Variants in TNFAIP2 observed in about 807,000 individuals in gnomAD.
TNFAIP2 encodes TNF alpha induced protein 2.
Under a neutral mutation model 63.5 loss-of-function variants are expected in TNFAIP2, and 47 were observed. The observed-to-expected ratio is 0.74, with a 90% confidence interval of 0.59 to 0.94. The LOEUF is 0.94. Ranked by LOEUF, TNFAIP2 falls within the 40% of genes least tolerant of loss-of-function variation. TNFAIP2 has a pLI of 0.00. For synonymous variants in TNFAIP2, 405 were observed against 390.2 expected (o/e 1.04, Z -0.45); for missense variants, 787 against 850.2 (o/e 0.93, Z 0.92).
Position 103,129,208 on chromosome 14 carries a change from C to G in TNFAIP2, c.861-532C>G, listed in dbSNP as rs2087920094. Among the ~76,000 whole-genome samples, 2 of 152,194 alleles carry G rather than the reference C, an allele frequency of 1.3e-5. 1 individual carries two copies. The highest frequency in any genetic ancestry group is 1.3e-4 in the Admixed American group (2 of 15,282). On this transcript the variant is annotated intron_variant, in intron 3 of 11. Coordinates refer to ENST00000560869, the MANE Select transcript of TNFAIP2 (RefSeq NM_006291.4). ...AGGTGGCCGGGGCTGGTGAGATGCCCAAGACCTGCAGGGCTGGAGCGCAGT... is the reference window on the plus strand; with the variant it reads ...AGGTGGCCGGGGCTGGTGAGATGCCGAAGACCTGCAGGGCTGGAGCGCAGT...
At chr14:103,132,939 C>T in intron 9 of TNFAIP2, 67 bp downstream of exon 9, 8 of 1,597,740 alleles carry the variant, frequency 5.0e-6, no homozygotes, top group Non-Finnish European at 6.8e-6. Flanking sequence ...CGCACACTAG[C>T]ACGTCTGTGT....
At chr14:103,123,049 G>A (rs2087777900), upstream of TNFAIP2, 1 of 254,152 alleles carries the variant, frequency 3.9e-6, no homozygotes, top group South Asian at 3.3e-5. Context: ...AGGGGCGGCT[G>A]GGGAGTTGGG....
In TNFAIP2 at chr14:103,131,397, G is replaced by A. The variant is rs896443763; in HGVS notation, c.1299-242G>A. 6.6e-6 allele frequency among the ~76,000 whole-genome samples: 1 copy of A among 152,184 alleles called. No homozygotes were observed. The highest frequency in any genetic ancestry group is 6.5e-5 in the Admixed American group (1 of 15,288). ...AAAGCAACCCTGTGAAGTAGGTATA[G>A]TGATCTGTCTATTAGGCAGATGGGC... On this transcript the variant is annotated intron_variant, in intron 7 of 11. Coordinates refer to ENST00000560869, the MANE Select transcript of TNFAIP2 (RefSeq NM_006291.4). The surrounding 1 kb of genome is among the most constrained non-coding windows in gnomAD (Gnocchi z 4.0).
Position 103,126,355 on chromosome 14 carries a change from C to T in TNFAIP2, c.-103C>T, listed in dbSNP as rs1291130207. 5.1e-6 allele frequency: 4 copies of T among 786,254 alleles called. No homozygotes were observed. Among genetic ancestry groups the T allele is most frequent in the Non-Finnish European group, 8.1e-6 (4 of 494,058 alleles). 48.7% of individuals were successfully genotyped at this position (786,254 alleles called of 1,614,324 possible). A position where few individuals can be genotyped will look rare whatever the true frequency, so the allele number is the denominator to read the frequency against. ...GGGTGATGCTGAAGATGATGACCTT[C>T]TTCCAAGGCCTCTAGAGCCATCAGC... On this transcript the variant is annotated 5_prime_UTR_variant, in exon 2 of 12. Transcript: ENST00000560869.
chr14:103,133,773 C>A lies in TNFAIP2; in HGVS notation c.1793C>A (p.Ala598Asp). 1 of 1,593,896 alleles carries A rather than the reference C, an allele frequency of 6.3e-7. No homozygotes were observed. The highest frequency in any genetic ancestry group is 1.1e-5 in the South Asian group (1 of 89,386). Reference protein sequence around the residue: ...QDPSAIKIEVATYATCYPDFS... With the variant: ...QDPSAIKIEVDTYATCYPDFS... ...CCCAGTGCCATCAAGATTGAGGTGG[C>A]CACTTATGCCACCTGCTACCCTGAC... Residue 598 changes from alanine to aspartate, a missense_variant, in exon 11 of 12, where the codon GCC becomes GAC. Coordinates refer to ENST00000560869, the MANE Select transcript of TNFAIP2 (RefSeq NM_006291.4).
At chr14:103,129,517 G>T (rs2087926837) in intron 3 of TNFAIP2, among the ~76,000 whole-genome samples, 1 of 151,470 alleles carries the variant, frequency 6.6e-6, no homozygotes, top group African/African-American at 2.4e-5. Context: ...GGGGGGGGTG[G>T]TGAGAGAGTC....
At position 103,135,264 on chromosome 14, in the gene TNFAIP2, C is replaced by T; in HGVS notation, c.1869C>T (p.Ser623=). The part of the protein sequence containing the change: ...SAILAIKGNL[S]NSEVKRIRSI... ...TCCTGGCCATCAAGGGGAACCTATC[C>T]AACAGTGAGGTCAAGCGCATCCGGA... Residue 623 remains serine, a synonymous_variant, in exon 12 of 12, where the codon TCC becomes TCT. Transcript: ENST00000560869. The surrounding 1 kb of genome is among the most constrained non-coding windows in gnomAD (Gnocchi z 7.6). 5.6e-6 allele frequency: 9 copies of T among 1,613,992 alleles called. No homozygotes were observed. The highest frequency in any genetic ancestry group is 7.6e-6 in the Non-Finnish European group (9 of 1,179,998).
intron 9 of TNFAIP2, 107 bp from the exon 10 acceptor site, chr14:103,133,255 C>A: frequency 7.1e-7 from 1 of 1,406,616 alleles, no homozygotes; most frequent in Non-Finnish European, 9.6e-7. Context: ...CAGTCTTTTG[C>A]TCTGGCATCT....
intron 1 of TNFAIP2, among the ~76,000 whole-genome samples, chr14:103,124,174 C>T (rs971600504): frequency 6.6e-6 from 1 of 152,216 alleles, no homozygotes; most frequent in Non-Finnish European, 1.5e-5. Flanking sequence ...GACTCACCCC[C>T]ACTGAGGCCC....
rs2087800873 is a variant in TNFAIP2, at chr14:103,123,971, G to A, written c.-149+20G>A. ...AGCCAGGTCAGTGGACCTGAGGAGA[G>A]GCCGGGCAGCAGGAGGCTGGGGGGC... On this transcript the variant is annotated intron_variant, in intron 1 of 11. Coordinates refer to ENST00000560869, the MANE Select transcript of TNFAIP2 (RefSeq NM_006291.4). 1 of 152,610 alleles carries A rather than the reference G, an allele frequency of 6.6e-6. No individual in the cohort carries two copies. The highest frequency in any genetic ancestry group is 1.5e-5 in the Non-Finnish European group (1 of 68,348). 9.5% of individuals were successfully genotyped at this position (152,610 alleles called of 1,614,324 possible).
chr14:103,132,956 ACGCACATGTGCTCACACG>A (rs2088009455), intron 9 of TNFAIP2, 84 bp downstream of exon 9: 4 of 1,575,694 alleles, frequency 2.5e-6, no homozygotes, highest in African/African-American at 1.3e-5. Context: ...GTGTACACTC[ACGCACATGTGCTCACACG>A]CGCACATGTG....
intron 3 of TNFAIP2, among the ~76,000 whole-genome samples, chr14:103,129,462 T>C (rs2139557949): frequency 7.2e-6 from 1 of 138,732 alleles, no homozygotes. Flanking sequence ...CAGAGTGGCA[T>C]GAGGCTGCTG....
In TNFAIP2 at chr14:103,131,308, A is replaced by G. The variant is rs1485160600; in HGVS notation, c.1298+158A>G. On this transcript the variant is annotated intron_variant, in intron 7 of 11. Coordinates refer to ENST00000560869, the MANE Select transcript of TNFAIP2 (RefSeq NM_006291.4). This position sits in a 1 kb window ranked among gnomAD's most constrained non-coding sequence, Gnocchi z 4.0. The stretch of plus-strand genomic sequence containing the variant: ...CCACGGCCTGCAGCAGCAGCAGCAA[A>G]CATTTCCCAAGTGCTGGCTGGGGCA... 6.6e-6 allele frequency among the ~76,000 whole-genome samples: 1 copy of G among 152,180 alleles called. No homozygotes were observed. The highest frequency in any genetic ancestry group is 2.4e-5 in the African/African-American group (1 of 41,436).
chr14:103,137,159 A>T lies in TNFAIP2; in HGVS notation c.*1799A>T, dbSNP rs4369588. The T allele has an allele frequency of 0.55, 83,880 of 151,738 alleles. 24,221 individuals carry two copies. Among genetic ancestry groups the T allele is most frequent in the Non-Finnish European group, 0.64 (43,472 of 67,900 alleles). 9.4% of individuals were successfully genotyped at this position (151,738 alleles called of 1,614,324 possible). On this transcript the variant is annotated 3_prime_UTR_variant, in exon 12 of 12. Transcript: ENST00000560869. ...CTCAGCCTGAGAGGGGGCCCTTCGG[A>T]CTCAGGCATGACTCAGCCCGGCTGA... is the stretch of plus-strand genomic sequence containing the variant.
Position 103,136,019 on chromosome 14 carries a change from C to A in TNFAIP2, c.*659C>A. ...GGGGCCCTGAGCCCTCCCTCTTCATCCCCCAAGGCCTCAACTAGAGGGTGG... is the reference window on the plus strand; with the variant it reads ...GGGGCCCTGAGCCCTCCCTCTTCATACCCCAAGGCCTCAACTAGAGGGTGG... On this transcript the variant is annotated 3_prime_UTR_variant, in exon 12 of 12. Coordinates refer to ENST00000560869, the MANE Select transcript of TNFAIP2 (RefSeq NM_006291.4). 7.8e-7 allele frequency: 1 copy of A among 1,281,996 alleles called. No individual in the cohort carries two copies. The highest frequency in any genetic ancestry group is 1.0e-6 in the Non-Finnish European group (1 of 985,766). The allele number at this position is 1,281,996 out of a possible 1,614,324, so 79.4% of individuals were successfully genotyped here.
upstream of TNFAIP2, chr14:103,123,101 G>C (rs2087779102): frequency 3.9e-6 from 1 of 257,488 alleles, no homozygotes; most frequent in Admixed American, 4.9e-5. Context: ...TGTGTGACGC[G>C]GGAACGCGGC....
chr14:103,122,162 C>T (rs1411672118), upstream of TNFAIP2, among the ~76,000 whole-genome samples: 1 of 152,174 alleles, frequency 6.6e-6, no homozygotes, highest in Non-Finnish European at 1.5e-5. Flanking sequence ...CCCCATCCTG[C>T]ATCCTGGCGG....
At position 103,126,890 on chromosome 14, in the gene TNFAIP2, G is replaced by T. The variant is rs1303432485; in HGVS notation, c.236-115G>T. On this transcript the variant is annotated intron_variant, in intron 2 of 11. Coordinates refer to ENST00000560869, the MANE Select transcript of TNFAIP2 (RefSeq NM_006291.4). ...AGGGACACCGACATCACCCTTTAGG[G>T]TGTTGGCCGCCGGCCCTGTGCGCGT... 20 of 1,401,652 alleles carry T rather than the reference G, an allele frequency of 1.4e-5. No homozygotes were observed. In the East Asian group the frequency reaches 4.6e-4, roughly 32 times the overall value. 86.8% of individuals were successfully genotyped at this position (1,401,652 alleles called of 1,614,324 possible).
At chr14:103,134,582 A>G (rs1271682563) in intron 11 of TNFAIP2, among the ~76,000 whole-genome samples, 1 of 147,108 alleles carries the variant, frequency 6.8e-6, no homozygotes, top group Non-Finnish European at 1.5e-5. Context: ...CCACTCAACC[A>G]CTCACCCACC....
Sources: gnomAD v4.1 joint callset for allele counts (sites outside exome capture counted in the v4.1 genomes callset) on GRCh38, gnomAD v4.1.1 for gene constraint, Gnocchi (gnomAD v3.1) non-coding constraint, MANE v1.5 for transcripts, NCBI Gene and HGNC (gene_info 2026-07-23, HGNC 2026-07-21) for gene names.